The following PXK variants were observed in gnomAD, a reference collection of about 807,000 sequenced individuals.
PXK encodes PX domain containing serine/threonine kinase like, also known as PX domain-containing protein kinase-like protein.
PXK carries 35 observed loss-of-function variants against 84.7 expected under a neutral mutation model. The observed-to-expected ratio is 0.41, with a 90% confidence interval of 0.32 to 0.55. The LOEUF (loss-of-function observed/expected upper bound fraction) is 0.55, where lower values mean the gene tolerates loss of function less well. PXK is among the 20% of genes least tolerant of loss of function. The probability of loss-of-function intolerance (pLI) is 0.21; values close to 1 mark genes in which losing one functional copy is unlikely to be tolerated. For synonymous variants in PXK, 253 were observed against 260.8 expected, an observed-to-expected ratio of 0.97 and a Z score of 0.29; for missense variants, 634 against 699.7, an observed-to-expected ratio of 0.91 and a Z score of 1.06.
intron 3 of PXK, among the ~76,000 whole-genome samples, chr3:58,376,403 G>A (rs1026555405): frequency 3.3e-5 from 5 of 152,150 alleles, no homozygotes; most frequent in South Asian, 2.1e-4. Flanking sequence ...TGACAAGAGC[G>A]AAACTCTGTC....
At chr3:58,402,221 T>C (rs1221330734) in intron 12 of PXK, among the ~76,000 whole-genome samples, 4 of 151,116 alleles carry the variant, frequency 2.6e-5, no homozygotes, top group Non-Finnish European at 4.4e-5. Flanking sequence ...CCTCCTCTCT[T>C]CTCCTCTTTT....
At chr3:58,389,999 CAAAAAAAA>C (rs61380830) in intron 4 of PXK, among the ~76,000 whole-genome samples, 1 of 51,608 alleles carries the variant, frequency 1.9e-5, no homozygotes, top group Non-Finnish European at 3.2e-5. Context: ...AACTCCGTCT[CAAAAAAAA>C]AAAAAAAAAA....
chr3:58,400,020 A>G lies in PXK; in HGVS notation c.1181+643A>G, dbSNP rs1408732647. On this transcript the variant is annotated intron_variant, in intron 12 of 17. Transcript: ENST00000356151. This position sits in a 1 kb window ranked among gnomAD's most constrained non-coding sequence, Gnocchi z 4.0. The stretch of plus-strand genomic sequence containing the variant: ...GTGCATTTTCTGTTCTTTCATGGAA[A>G]GGCAGCAGAGTGGTTAAGAAGGGTG... Among the ~76,000 whole-genome samples the G allele has an allele frequency of 6.6e-6, 1 of 152,082 alleles. No individual in the cohort carries two copies.
At chr3:58,354,173 A>G (rs906166153) in intron 1 of PXK, among the ~76,000 whole-genome samples, 5 of 152,162 alleles carry the variant, frequency 3.3e-5, no homozygotes, top group Non-Finnish European at 7.4e-5. Flanking sequence ...GCAGAGGGAA[A>G]TAGTTCTTTC....
At position 58,400,465 on chromosome 3, in the gene PXK, C is replaced by T. The variant is rs77939951; in HGVS notation, c.1181+1088C>T. Among the ~76,000 whole-genome samples, 132 of 152,252 alleles carry T rather than the reference C, an allele frequency of 8.7e-4. No homozygotes were observed. The highest frequency in any genetic ancestry group is 3.1e-3 in the African/African-American group (129 of 41,546). ...CTTCCGGTTCCTGGTTCTTTCTTTC[C>T]ACAAGTGTTTAGAGAGGGCCTTCTG... On this transcript the variant is annotated intron_variant, in intron 12 of 17. Transcript: ENST00000356151. This position sits in a 1 kb window ranked among gnomAD's most constrained non-coding sequence, Gnocchi z 4.0.
At chr3:58,357,278 CAAA>C (rs1290785479) in intron 1 of PXK, among the ~76,000 whole-genome samples, 1 of 131,846 alleles carries the variant, frequency 7.6e-6, no homozygotes, top group African/African-American at 2.8e-5. Context: ...GACTCTGTCT[CAAA>C]AAAAAAAAAC....
At chr3:58,335,018 G>GGT (rs375780661) in intron 1 of PXK, among the ~76,000 whole-genome samples, 3,655 of 106,454 alleles carry the variant, frequency 0.034, 74 homozygotes, top group Middle Eastern at 0.075. Flanking sequence ...TGTCCAGGCT[G>GGT]GTGTGTGTGT....
chr3:58,391,314 C>G (rs1337031880), intron 6 of PXK, 94 bp downstream of exon 6: 2 of 1,088,952 alleles, frequency 1.8e-6, no homozygotes, highest in East Asian at 4.8e-5. Context: ...GTACTGTGCT[C>G]TTAAGTGATG....
chr3:58,403,571 G>A (rs529489636), intron 12 of PXK, among the ~76,000 whole-genome samples: 48 of 152,174 alleles, frequency 3.2e-4, no homozygotes, highest in African/African-American at 8.9e-4. Flanking sequence ...ATTAGCATTC[G>A]CAAAAGTAAT....
intron 3 of PXK, among the ~76,000 whole-genome samples, chr3:58,378,505 TTTTTTTTTGTGTG>T: frequency 1.2e-5 from 1 of 81,746 alleles, no homozygotes; most frequent in African/African-American, 4.5e-5. Context: ...TTTTTTTTTT[TTTTTTTTTGTGTG>T]TGTGTGTGTG....
chr3:58,369,596 C>T (rs747015985), intron 3 of PXK, 118 bp downstream of exon 3: 24 of 716,692 alleles, frequency 3.3e-5, no homozygotes, highest in African/African-American at 5.3e-5. Flanking sequence ...GAGGCCAATG[C>T]GGGTGGATCA....
intron 1 of PXK, among the ~76,000 whole-genome samples, chr3:58,361,036 C>T (rs1345714976): frequency 1.3e-5 from 2 of 151,832 alleles, no homozygotes; most frequent in Non-Finnish European, 2.9e-5. Flanking sequence ...GTGGTTCACG[C>T]CTGTAATCCT....
At chr3:58,418,386 G>A (rs1560143108) in intron 17 of PXK, among the ~76,000 whole-genome samples, 1 of 152,160 alleles carries the variant, frequency 6.6e-6, no homozygotes, top group Non-Finnish European at 1.5e-5. Flanking sequence ...ACACAAGTTA[G>A]GGCGGTGCTA....
At chr3:58,347,525 A>G (rs2097846261) in intron 1 of PXK, among the ~76,000 whole-genome samples, 2 of 152,192 alleles carry the variant, frequency 1.3e-5, no homozygotes, top group Admixed American at 1.3e-4. Context: ...TCTTTTACTT[A>G]ACGTAAAGCT....
At chr3:58,360,844 AAAGTT>A (rs1265370376) in intron 1 of PXK, among the ~76,000 whole-genome samples, 3 of 151,982 alleles carry the variant, frequency 2.0e-5, no homozygotes, top group African/African-American at 7.3e-5. Context: ...AAAAAAAAAA[AAAGTT>A]AATAAAACAG....
intron 3 of PXK, among the ~76,000 whole-genome samples, chr3:58,373,916 G>A (rs1478239021): frequency 6.6e-6 from 1 of 151,798 alleles, no homozygotes; most frequent in South Asian, 2.1e-4. Context: ...GTGGTGGCCG[G>A]CGCCTGTAGT....
rs79909468 is a variant in PXK, at chr3:58,412,562, C to A, written c.1466-339C>A. 0.1 allele frequency among the ~76,000 whole-genome samples: 15,180 copies of A among 152,152 alleles called. 989 individuals carry two copies. The highest frequency in any genetic ancestry group is 0.17 in the African/African-American group (6,895 of 41,494). ...CTGCTGTACCACTTGTGGCTTCTGT[C>A]ATTTGTCATTACCCAGGAGTGGAGG... On this transcript the variant is annotated intron_variant, in intron 16 of 17. Transcript: ENST00000356151. This position sits in a 1 kb window ranked among gnomAD's most constrained non-coding sequence, Gnocchi z 6.2.
intron 6 of PXK, 88 bp from the exon 7 acceptor site, chr3:58,391,685 T>A (rs2098633011): frequency 8.2e-7 from 1 of 1,214,422 alleles, no homozygotes. Context: ...TCCAGTCATA[T>A]TTTGGATAAT....
At chr3:58,380,421 A>G (rs559031217) in intron 3 of PXK, among the ~76,000 whole-genome samples, 1 of 143,500 alleles carries the variant, frequency 7.0e-6, no homozygotes, top group East Asian at 1.9e-4. Flanking sequence ...TGACAAAGCA[A>G]GACCCTATCT....
Sources: gnomAD v4.1 joint callset for allele counts (sites outside exome capture counted in the v4.1 genomes callset) on GRCh38, gnomAD v4.1.1 for gene constraint, Gnocchi (gnomAD v3.1) non-coding constraint, MANE v1.5 for transcripts, NCBI Gene and HGNC (gene_info 2026-07-23, HGNC 2026-07-21) for gene names.